Variants in PHACTR1 observed in about 807,000 individuals in gnomAD.
PHACTR1 encodes phosphatase and actin regulator 1.
PHACTR1 carries 16 observed loss-of-function variants against 69.2 expected under a neutral mutation model. The ratio of observed to expected loss-of-function variants is 0.23; its 90% CI spans 0.16 to 0.35. The LOEUF (loss-of-function observed/expected upper bound fraction) is 0.35. PHACTR1 is among the 10% of genes least tolerant of loss of function. PHACTR1 has a pLI of 1.00. For synonymous variants in PHACTR1, 312 were observed against 284.5 expected (o/e 1.10, Z -0.97); for missense variants, 510 against 734.7 (o/e 0.69, Z 3.54).
intron 5 of PHACTR1, among the ~76,000 whole-genome samples, chr6:13,134,236 T>C (rs1470662685): frequency 7.1e-6 from 1 of 140,090 alleles, no homozygotes; most frequent in South Asian, 2.4e-4. Context: ...CCAGCCGCCC[T>C]GTCCGGGAGG....
chr6:13,262,702 T>A (rs1776074766), intron 10 of PHACTR1, among the ~76,000 whole-genome samples: 1 of 152,150 alleles, frequency 6.6e-6, no homozygotes. Context: ...CCCTTTCCCC[T>A]GATCCCACCA....
chr6:13,284,580 A>ATATATATATATATATATAGATACACG (rs1562129234), intron 13 of PHACTR1, among the ~76,000 whole-genome samples: 2 of 92,614 alleles, frequency 2.2e-5, no homozygotes, highest in African/African-American at 1.4e-4. Context: ...AGATACACGT[A>ATATATATATATATATATAGATACACG]TATATATATA....
chr6:12,870,644 A>T (rs1411999048), intron 4 of PHACTR1, among the ~76,000 whole-genome samples: 1 of 152,240 alleles, frequency 6.6e-6, no homozygotes, highest in East Asian at 1.9e-4. Flanking sequence ...ACACAGGTAC[A>T]CACAACCACG....
intron 8 of PHACTR1, among the ~76,000 whole-genome samples, chr6:13,214,652 A>G (rs1767398275): frequency 6.6e-6 from 1 of 152,210 alleles, no homozygotes; most frequent in Non-Finnish European, 1.5e-5. Flanking sequence ...AGGAGCAATC[A>G]TGTAAGGAGG....
chr6:13,076,603 T>C (rs569743102), intron 5 of PHACTR1, among the ~76,000 whole-genome samples: 5 of 152,210 alleles, frequency 3.3e-5, no homozygotes, highest in African/African-American at 1.2e-4. Flanking sequence ...GTTACAAAGA[T>C]GAAAAAATGC....
At chr6:13,203,938 C>T (rs1765564373) in intron 7 of PHACTR1, among the ~76,000 whole-genome samples, 1 of 152,106 alleles carries the variant, frequency 6.6e-6, no homozygotes. Context: ...TGCAGCAGCT[C>T]TTGGGAGAAT....
At chr6:12,723,415 T>TA (rs1490994336) in intron 3 of PHACTR1, among the ~76,000 whole-genome samples, 2 of 151,942 alleles carry the variant, frequency 1.3e-5, no homozygotes, top group East Asian at 3.9e-4. Context: ...TAATTTATAT[T>TA]AAAGTTTGAG....
chr6:13,136,705 G>A (rs1821607929), intron 5 of PHACTR1, among the ~76,000 whole-genome samples: 1 of 152,164 alleles, frequency 6.6e-6, no homozygotes, highest in African/African-American at 2.4e-5. Flanking sequence ...TGAGCATTTA[G>A]AGATCTTTGT....
chr6:12,778,762 C>G (rs917229890), intron 4 of PHACTR1, among the ~76,000 whole-genome samples: 1 of 152,288 alleles, frequency 6.6e-6, no homozygotes, highest in Admixed American at 6.5e-5. Context: ...AGAGTAGTCT[C>G]TATATAATAG....
chr6:12,819,682 T>C (rs759528149), intron 4 of PHACTR1, among the ~76,000 whole-genome samples: 14 of 152,170 alleles, frequency 9.2e-5, no homozygotes, highest in Admixed American at 3.9e-4. Context: ...AAAATCTGTA[T>C]AGAGATGATA....
intron 8 of PHACTR1, among the ~76,000 whole-genome samples, chr6:13,210,157 G>A (rs927689878): frequency 7.9e-5 from 12 of 152,170 alleles, no homozygotes; most frequent in East Asian, 7.7e-4. Context: ...ACGGGTGCAC[G>A]CCACCATGCC....
chr6:13,068,996 C>T (rs1004428051), intron 5 of PHACTR1, among the ~76,000 whole-genome samples: 1 of 152,238 alleles, frequency 6.6e-6, no homozygotes, highest in South Asian at 2.1e-4. Context: ...CAGGCCTGAG[C>T]TAAGCAAAGC....
At chr6:12,957,076 G>A (rs1791977555) in intron 4 of PHACTR1, among the ~76,000 whole-genome samples, 1 of 151,448 alleles carries the variant, frequency 6.6e-6, no homozygotes, top group South Asian at 2.1e-4. Flanking sequence ...CCTAGGGGGC[G>A]GGGTGGGGTG....
At chr6:13,080,237 A>G (rs184761264) in intron 5 of PHACTR1, among the ~76,000 whole-genome samples, 2 of 152,174 alleles carry the variant, frequency 1.3e-5, no homozygotes, top group African/African-American at 4.8e-5. Flanking sequence ...ATTTGAATGC[A>G]TTTCTTTAGG....
At chr6:12,894,363 G>C (rs563638209) in intron 4 of PHACTR1, among the ~76,000 whole-genome samples, 1 of 152,338 alleles carries the variant, frequency 6.6e-6, no homozygotes, top group South Asian at 2.1e-4. Flanking sequence ...TCAGCACTTT[G>C]GGAGTCAAAG....
intron 5 of PHACTR1, among the ~76,000 whole-genome samples, chr6:13,064,779 T>C: frequency 6.7e-6 from 1 of 150,274 alleles, no homozygotes. Context: ...TTGTTTGGCA[T>C]GAGGCCCAGT....
At position 13,283,011 on chromosome 6, in the gene PHACTR1, AT is replaced by A; in HGVS notation, c.1510-410del. Among the ~76,000 whole-genome samples, 1 of 152,340 alleles carries A rather than the reference AT, an allele frequency of 6.6e-6. No homozygotes were observed. Among genetic ancestry groups the A allele is most frequent in the Non-Finnish European group, 1.5e-5 (1 of 68,028 alleles). On this transcript the variant is annotated intron_variant, in intron 12 of 14. Transcript: ENST00000332995. This position sits in a 1 kb window ranked among gnomAD's most constrained non-coding sequence, Gnocchi z 4.7. ...AAATATACACAGATAAAATGATATG[AT>A]GCCTGTGATTTGTTTCAAAGCAATC...
intron 4 of PHACTR1, among the ~76,000 whole-genome samples, chr6:12,862,582 C>T (rs954585478): frequency 2.0e-5 from 3 of 152,142 alleles, no homozygotes; most frequent in African/African-American, 7.2e-5. Context: ...TAAGTTACTA[C>T]TCATACAGCC....
intron 3 of PHACTR1, among the ~76,000 whole-genome samples, chr6:12,736,237 T>C (rs950950000): frequency 6.6e-6 from 1 of 152,214 alleles, no homozygotes; most frequent in Non-Finnish European, 1.5e-5. Context: ...GTTATTATAG[T>C]TAATGATATT....
Sources: gnomAD v4.1 joint callset for allele counts (sites outside exome capture counted in the v4.1 genomes callset) on GRCh38, gnomAD v4.1.1 for gene constraint, Gnocchi (gnomAD v3.1) non-coding constraint, MANE v1.5 for transcripts, NCBI Gene and HGNC (gene_info 2026-07-23, HGNC 2026-07-21) for gene names.